The following AMIGO2 variants were observed in gnomAD, a reference collection of about 807,000 sequenced individuals.
AMIGO2 encodes amphoterin-induced protein 2.
A neutral mutation model predicts 23.7 loss-of-function variants in AMIGO2; 15 were observed. The ratio of observed to expected loss-of-function variants is 0.63; its 90% CI spans 0.42 to 0.98. The LOEUF (loss-of-function observed/expected upper bound fraction) is 0.98. AMIGO2 is among the 50% of genes least tolerant of loss of function. AMIGO2 has a pLI of 0.00. For synonymous variants in AMIGO2, 264 were observed against 252.3 expected, an observed-to-expected ratio of 1.05 and a Z score of -0.44; for missense variants, 561 against 633.1, an observed-to-expected ratio of 0.89 and a Z score of 1.22.
At position 47,079,179 on chromosome 12, in the gene AMIGO2, T is replaced by C. The variant is rs192801900; in HGVS notation, c.-101A>G. 343 of 865,338 alleles carry C rather than the reference T, an allele frequency of 4.0e-4. 2 individuals are homozygous for C. In the African/African-American group the frequency reaches 5.4e-3, roughly 14 times the overall value. The allele number at this position is 865,338 out of a possible 1,614,324, so 53.6% of individuals were successfully genotyped here. A position where few individuals can be genotyped will look rare whatever the true frequency, so the allele number is the denominator to read the frequency against. On this transcript the variant is annotated 5_prime_UTR_variant, in exon 2 of 3. Coordinates refer to ENST00000550413, the MANE Select transcript of AMIGO2 (RefSeq NM_001370299.1). ...CCAATAACTTTTGAAATGGGTTTTA[T>C]TTCACAATAGGGAGCTCTGTGTTGC... is the stretch of plus-strand genomic sequence containing the variant.
chr12:47,076,784 T>A lies in AMIGO2; in HGVS notation c.*650A>T, dbSNP rs989651948. 1 of 152,090 alleles carries A rather than the reference T, an allele frequency of 6.6e-6. No individual in the cohort carries two copies. The highest frequency in any genetic ancestry group is 2.4e-5 in the African/African-American group (1 of 41,428). The allele number at this position is 152,090 out of a possible 1,614,324, so 9.4% of individuals were successfully genotyped here. A position where few individuals can be genotyped will look rare whatever the true frequency, so the allele number is the denominator to read the frequency against. On this transcript the variant is annotated 3_prime_UTR_variant, in exon 3 of 3. Coordinates refer to ENST00000550413, the MANE Select transcript of AMIGO2 (RefSeq NM_001370299.1). ...TTTAAATTTTCAATGAGATCTTTTG[T>A]ACAAGAATACAGAATGGGAAGAATG...
At position 47,078,551 on chromosome 12, in the gene AMIGO2, T is replaced by C. The variant is rs746880127; in HGVS notation, c.452A>G (p.Asn151Ser). ...TGAAGGATCGAGATAGGATATGTGATTGTTGTAAAGCAGAAGCACTTCCAG... is the reference window on the plus strand; with the variant it reads ...TGAAGGATCGAGATAGGATATGTGACTGTTGTAAAGCAGAAGCACTTCCAG... The part of the protein sequence containing the change: ...KVLEVLLLYN[N>S]HISYLDPSAF... The change falls in exon 3 of 3, where the codon AAT becomes AGT. Residue 151 changes from asparagine to serine, a missense_variant. Transcript: ENST00000550413. 1.9e-6 allele frequency: 3 copies of C among 1,614,104 alleles called. No homozygotes were observed. The highest frequency in any genetic ancestry group is 4.5e-5 in the East Asian group (2 of 44,894).
rs1941876124 is a variant in AMIGO2 at position 47,077,687 on chromosome 12, T to C, written c.1316A>G (p.Asn439Ser). The C allele has an allele frequency of 6.2e-7, 1 of 1,614,244 alleles. No individual in the cohort carries two copies. Among genetic ancestry groups the C allele is most frequent in the East Asian group, 2.2e-5 (1 of 44,882 alleles). Reference protein sequence around the residue: ...KRQKNMLHQSNAHSSILSPGP... With the variant: ...KRQKNMLHQSSAHSSILSPGP... Reference sequence around the variant, plus strand: ...AGGACTGAGAATCGATGAATGGGCATTGCTTTGGTGTAGCATATTTTTCTG... The same window carrying C: ...AGGACTGAGAATCGATGAATGGGCACTGCTTTGGTGTAGCATATTTTTCTG... The change falls in exon 3 of 3, where the codon AAT becomes AGT. Residue 439 changes from asparagine (N) to serine (S), a missense_variant. Transcript: ENST00000550413.
chr12:47,079,074 CAATT>C lies in AMIGO2; in HGVS notation c.-63-13_-63-10del, dbSNP rs755206821. 340 of 1,510,720 alleles carry C rather than the reference CAATT, an allele frequency of 2.3e-4. 1 individual carries two copies. The highest frequency in any genetic ancestry group is 2.9e-4 in the Non-Finnish European group (326 of 1,131,934). The allele number at this position is 1,510,720 out of a possible 1,614,324, so 93.6% of individuals were successfully genotyped here. ...GCCTCCCACCAGTGAACCTGGCAAACAATTAATAATTCAGAGGGAGTAAAAAGCA... is the reference window on the plus strand; with the variant it reads ...GCCTCCCACCAGTGAACCTGGCAAACAATAATTCAGAGGGAGTAAAAAGCA... On this transcript the variant is annotated splice_polypyrimidine_tract_variant and intron_variant, in intron 2 of 2. Transcript: ENST00000550413.
At position 47,077,611 on chromosome 12, in the gene AMIGO2, T is replaced by G. The variant is rs1372276291; in HGVS notation, c.1392A>C (p.Lys464Asn). ...TCAGGGGTTCCAAAAACACCACTCT[T>G]TTACCTGCACCTGCCTTCCGTTCAT... ...SADERKAGAGKRVVFLEPLKD... is the reference protein window; with the variant it reads ...SADERKAGAGNRVVFLEPLKD... The change falls in exon 3 of 3, where the codon AAA becomes AAC. Residue 464 changes from lysine (K) to asparagine (N), a missense_variant. By Grantham distance (94) the Lys-to-Asn change is moderately conservative (BLOSUM62 0). Coordinates refer to ENST00000550413, the MANE Select transcript of AMIGO2 (RefSeq NM_001370299.1). The G allele has an allele frequency of 1.2e-6, 2 of 1,614,192 alleles. No individual in the cohort carries two copies. Among genetic ancestry groups the G allele is most frequent in the East Asian group, 4.5e-5 (2 of 44,878 alleles).
At position 47,077,248 on chromosome 12, in the gene AMIGO2, C is replaced by G. The variant is rs1311173123; in HGVS notation, c.*186G>C. ...CTTAAACTTTGGAAAACAACCCCAT[C>G]TTTCTATGGCACATTGAGGAACTGA... On this transcript the variant is annotated 3_prime_UTR_variant, in exon 3 of 3. Transcript: ENST00000550413. 1.2e-6 allele frequency: 1 copy of G among 843,700 alleles called. No individual in the cohort carries two copies. Among genetic ancestry groups the G allele is most frequent in the Admixed American group, 3.2e-5 (1 of 31,606 alleles). 52.3% of individuals were successfully genotyped at this position (843,700 alleles called of 1,614,324 possible).
rs566077588 is a variant in AMIGO2, at chr12:47,078,356, G to A, written c.647C>T (p.Pro216Leu). The stretch of plus-strand genomic sequence containing the variant: ...GTAGATGCCTCTCAGCTGTTTTCCT[G>A]GCACTAAATTTATGTGGTGCATTGG... ...SMPMHHINLV[P>L]GKQLRGIYLH... is the part of the protein sequence containing the mutation. Residue 216 changes from proline to leucine, a missense_variant, in exon 3 of 3, where the codon CCA (proline) becomes CTA (leucine). Physicochemically the swap from Pro to Leu is moderately conservative, Grantham distance 98. Coordinates refer to ENST00000550413, the MANE Select transcript of AMIGO2 (RefSeq NM_001370299.1). 8 of 1,613,820 alleles carry A rather than the reference G, an allele frequency of 5.0e-6. No homozygotes were observed. In the South Asian group the frequency reaches 7.7e-5, roughly 16 times the overall value.
downstream of AMIGO2, chr12:47,076,258 C>T (rs545955504): frequency 6.6e-6 from 1 of 152,122 alleles, no homozygotes; most frequent in Non-Finnish European, 1.5e-5. Context: ...ACTTGATTGC[C>T]TCAAAGCAGA....
rs774823897 is a variant in AMIGO2 at position 47,078,460 on chromosome 12, C to A, written c.543G>T (p.Pro181=). 1.2e-6 allele frequency: 2 copies of A among 1,614,046 alleles called. No homozygotes were observed. The highest frequency in any genetic ancestry group is 2.2e-5 in the East Asian group (1 of 44,888). ...YLSGNFLTQF[P]MDLYVGRFKL... ...TGAACCTTCCAACATACAAATCCAT[C>A]GGAAACTGTGTGAGAAAATTTCCAC... The change falls in exon 3 of 3, where the codon CCG becomes CCT. Residue 181 remains proline, a synonymous_variant. Coordinates refer to ENST00000550413, the MANE Select transcript of AMIGO2 (RefSeq NM_001370299.1).
chr12:47,079,196 C>G lies in AMIGO2; in HGVS notation c.-118G>C. ...GGGTTTTATTTCACAATAGGGAGCT[C>G]TGTGTTGCCTCTTCACTGTTAAATG... On this transcript the variant is annotated 5_prime_UTR_variant, in exon 2 of 3. Transcript: ENST00000550413. The G allele has an allele frequency of 1.5e-6, 1 of 676,746 alleles. No individual in the cohort carries two copies. The highest frequency in any genetic ancestry group is 2.3e-6 in the Non-Finnish European group (1 of 430,400). 41.9% of individuals were successfully genotyped at this position (676,746 alleles called of 1,614,324 possible).
In AMIGO2 at chr12:47,077,630, C is replaced by T. The variant is rs1357916393; in HGVS notation, c.1373G>A (p.Arg458Gln). 1.9e-6 allele frequency: 3 copies of T among 1,614,222 alleles called. No homozygotes were observed. The highest frequency in any genetic ancestry group is 2.2e-5 in the South Asian group (2 of 91,088). Residue 458 changes from arginine (R) to glutamine (Q), a missense_variant, in exon 3 of 3, where the codon CGG becomes CAG. Coordinates refer to ENST00000550413, the MANE Select transcript of AMIGO2 (RefSeq NM_001370299.1). ...CACTCTTTTACCTGCACCTGCCTTC[C>T]GTTCATCAGCGGAGGCATCACTAGC... ...GPASDASADE[R>Q]KAGAGKRVVF...
Position 47,077,980 on chromosome 12 carries a change from G to C in AMIGO2, c.1023C>G (p.Tyr341Ter). ...LEPDKEMENF[Y>*]VFHNGSLVIE... is the part of the protein sequence containing the mutation. Reference sequence around the variant, plus strand: ...TAACCAGACTTCCATTGTGAAACACGTAAAAGTTTTCCATCTCTTTATCCG... The same window carrying C: ...TAACCAGACTTCCATTGTGAAACACCTAAAAGTTTTCCATCTCTTTATCCG... Residue 341 changes from tyrosine to a stop codon, truncating the protein, a stop_gained, in exon 3 of 3, where the codon TAC becomes TAG. Coordinates refer to ENST00000550413, the MANE Select transcript of AMIGO2 (RefSeq NM_001370299.1). LOFTEE classifies it high-confidence loss of function. 6.2e-7 allele frequency: 1 copy of C among 1,613,692 alleles called. No homozygotes were observed. The highest frequency in any genetic ancestry group is 8.5e-7 in the Non-Finnish European group (1 of 1,180,034).
chr12:47,079,736 G>A lies in AMIGO2; in HGVS notation c.-445C>T, dbSNP rs1273032338. On this transcript the variant is annotated 5_prime_UTR_variant, in exon 1 of 3. Coordinates refer to ENST00000550413, the MANE Select transcript of AMIGO2 (RefSeq NM_001370299.1). ...CATTGCAGGCTGAAGGTACCGCCTC[G>A]GCGCTCTGGCCGCCGTGTGCCCGCG... 2 of 151,364 alleles carry A rather than the reference G, an allele frequency of 1.3e-5. No homozygotes were observed. Among genetic ancestry groups the A allele is most frequent in the Non-Finnish European group, 3.0e-5 (2 of 67,796 alleles). 9.4% of individuals were successfully genotyped at this position (151,364 alleles called of 1,614,324 possible).
In AMIGO2 at chr12:47,079,895, C is replaced by G. The variant is rs12320642; in HGVS notation, c.-604G>C. ...TTCCCGCGCGCCCGGGGCCGGGAGA[C>G]GGGCTGGGGCGCCGGTCCCACCCCT... On this transcript the variant is annotated 5_prime_UTR_variant, in exon 1 of 3. Transcript: ENST00000550413. 0.97 allele frequency: 146,471 copies of G among 151,060 alleles called. 71,045 individuals are homozygous for G. The highest frequency in any genetic ancestry group is 1 in the East Asian group (5,025 of 5,026). The allele number at this position is 151,060 out of a possible 1,614,324, so 9.4% of individuals were successfully genotyped here. A position where few individuals can be genotyped will look rare whatever the true frequency, so the allele number is the denominator to read the frequency against.
downstream of AMIGO2, chr12:47,075,791 T>A (rs933523728): frequency 5.9e-5 from 9 of 152,184 alleles, no homozygotes; most frequent in Non-Finnish European, 8.8e-5. Context: ...TCTTTAAAAA[T>A]TATCTTCTTT....
At position 47,077,557 on chromosome 12, in the gene AMIGO2, T is replaced by C; in HGVS notation, c.1446A>G (p.Lys482=). The change falls in exon 3 of 3, where the codon AAA becomes AAG. Residue 482 remains lysine (K), a synonymous_variant. Transcript: ENST00000550413. ...LKDTAAGQNG[K]VRLFPSEAVI... ...CTGCCTCGCTGGGAAAGAGCCTGAC[T>C]TTCCCGTTCTGCCCTGCTGCAGTAT... 1 of 1,614,212 alleles carries C rather than the reference T, an allele frequency of 6.2e-7. No individual in the cohort carries two copies. Among genetic ancestry groups the C allele is most frequent in the Non-Finnish European group, 8.5e-7 (1 of 1,180,032 alleles).
chr12:47,077,267 G>T lies in AMIGO2; in HGVS notation c.*167C>A. ...CCCCATCTTTCTATGGCACATTGAG[G>T]AACTGAAGTACTTTACCTCATTTCC... On this transcript the variant is annotated 3_prime_UTR_variant, in exon 3 of 3. Transcript: ENST00000550413. 2 of 957,140 alleles carry T rather than the reference G, an allele frequency of 2.1e-6. No individual in the cohort carries two copies. Among genetic ancestry groups the T allele is most frequent in the Non-Finnish European group, 3.0e-6 (2 of 673,128 alleles). The allele number at this position is 957,140 out of a possible 1,614,324, so 59.3% of individuals were successfully genotyped here.
chr12:47,078,443 C>A lies in AMIGO2; in HGVS notation c.560G>T (p.Gly187Val). Residue 187 changes from glycine (G) to valine (V), a missense_variant, in exon 3 of 3, where the codon GGA becomes GTA. Gly to Val is a moderately radical substitution (Grantham distance 109). Transcript: ENST00000550413. The part of the protein sequence containing the change: ...LTQFPMDLYV[G>V]RFKLAELMFL... ...CATCAGTTCTGCCAGCTTGAACCTT[C>A]CAACATACAAATCCATCGGAAACTG... is the stretch of plus-strand genomic sequence containing the variant. 1 of 1,614,174 alleles carries A rather than the reference C, an allele frequency of 6.2e-7. No individual in the cohort carries two copies. Among genetic ancestry groups the A allele is most frequent in the Non-Finnish European group, 8.5e-7 (1 of 1,180,032 alleles).
At position 47,078,045 on chromosome 12, in the gene AMIGO2, C is replaced by A; in HGVS notation, c.958G>T (p.Asp320Tyr). 1.2e-6 allele frequency: 2 copies of A among 1,614,116 alleles called. No individual in the cohort carries two copies. The highest frequency in any genetic ancestry group is 1.7e-6 in the Non-Finnish European group (2 of 1,180,026). The change falls in exon 3 of 3, where the codon GAT (aspartate) becomes TAT (tyrosine). Residue 320 changes from aspartate (D) to tyrosine (Y), a missense_variant. By Grantham distance (160) the Asp-to-Tyr change is radical. Coordinates refer to ENST00000550413, the MANE Select transcript of AMIGO2 (RefSeq NM_001370299.1). The part of the protein sequence containing the change: ...CDSKTGNANT[D>Y]FIWVGPDNRL... ...TTATCTGGACCCACCCAGATGAAATCCGTATTTGCATTACCTGTCTTGCTG... is the reference window on the plus strand; with the variant it reads ...TTATCTGGACCCACCCAGATGAAATACGTATTTGCATTACCTGTCTTGCTG...
Sources: allele counts gnomAD v4.1 joint callset, GRCh38; gene constraint gnomAD v4.1.1; transcripts MANE v1.5; gene names NCBI Gene and HGNC (gene_info 2026-07-23, HGNC 2026-07-21).